FAM180A: variants seen among roughly 807,000 people sequenced by gnomAD.
FAM180A encodes family with sequence similarity 180 member A.
A neutral mutation model predicts 15.3 loss-of-function variants in FAM180A; 14 were observed. The observed-to-expected ratio is 0.92, with a 90% CI of 0.61 to 1.43. FAM180A has a LOEUF of 1.43. Among genes scored for constraint, FAM180A ranks in the 40% most tolerant of loss-of-function variants. The pLI, the probability that FAM180A is intolerant of heterozygous loss-of-function variation, is 0.00. For missense variants in FAM180A, 200 were observed against 220.8 expected, an observed-to-expected ratio of 0.91 and a Z score of 0.60; for synonymous variants, 90 against 96.8, an observed-to-expected ratio of 0.93 and a Z score of 0.41.
chr7:135,740,034 C>T (rs1396613545), intron 1 of FAM180A, among the ~76,000 whole-genome samples: 1 of 152,100 alleles, frequency 6.6e-6, no homozygotes, highest in African/African-American at 2.4e-5. Context: ...GGCAGTATTC[C>T]CTAGCCAGGT....
chr7:135,743,906 C>T (rs7805782), intron 1 of FAM180A, among the ~76,000 whole-genome samples: 9,364 of 152,114 alleles, frequency 0.062, 919 homozygotes, highest in African/African-American at 0.21. Context: ...AAAATCCTTC[C>T]TTTTCTAATA....
Position 135,733,791 on chromosome 7 carries a change from G to T in FAM180A, c.*184C>A. On this transcript the variant is annotated 3_prime_UTR_variant, in exon 3 of 4. Transcript: ENST00000338588. ...TCCAGCCCAGGTCACATGATGGCAT[G>T]AATCAGATGTGTCTTCCAGGAAACT... The T allele has an allele frequency of 2.2e-6, 3 of 1,386,944 alleles. No homozygotes were observed. The highest frequency in any genetic ancestry group is 2.8e-6 in the Non-Finnish European group (3 of 1,075,976). 85.9% of individuals were successfully genotyped at this position (1,386,944 alleles called of 1,614,324 possible).
intron 1 of FAM180A, among the ~76,000 whole-genome samples, chr7:135,737,475 T>A (rs1796888542): frequency 6.6e-6 from 1 of 151,156 alleles, no homozygotes; most frequent in Admixed American, 6.6e-5. Context: ...TAATTGCAGC[T>A]ACATGGAAGG....
intron 1 of FAM180A, among the ~76,000 whole-genome samples, chr7:135,740,000 C>T (rs979046303): frequency 6.6e-6 from 1 of 152,214 alleles, no homozygotes; most frequent in Non-Finnish European, 1.5e-5. Flanking sequence ...AGACCATGCT[C>T]AGGGAAGGAG....
rs1796756907 is a variant in FAM180A at position 135,729,906 on chromosome 7, A to T, written c.*705T>A. 17 of 719,802 alleles carry T rather than the reference A, an allele frequency of 2.4e-5. 1 individual carries two copies. The South Asian group carries it at 1.1e-3, about 45-fold the overall frequency. 44.6% of individuals were successfully genotyped at this position (719,802 alleles called of 1,614,324 possible). A position where few individuals can be genotyped will look rare whatever the true frequency, so the allele number is the denominator to read the frequency against. ...GGGTATAGAACTTCAGAATTACAAG[A>T]TGAGAAAGTTCCGGGGGTCTGTTTC... On this transcript the variant is annotated 3_prime_UTR_variant, in exon 4 of 4. Transcript: ENST00000338588.
At chr7:135,738,122 C>A (rs1329611490) in intron 1 of FAM180A, among the ~76,000 whole-genome samples, 1 of 152,204 alleles carries the variant, frequency 6.6e-6, no homozygotes, top group Non-Finnish European at 1.5e-5. Context: ...ATGCACAAGA[C>A]CCAGGCCCTT....
intron 3 of FAM180A, among the ~76,000 whole-genome samples, chr7:135,731,794 G>C (rs1796786396): frequency 6.6e-6 from 1 of 152,186 alleles, no homozygotes; most frequent in South Asian, 2.1e-4. Context: ...TCTCCAAAAA[G>C]ATCATGCGGC....
intron 1 of FAM180A, among the ~76,000 whole-genome samples, 158 bp from the exon 2 acceptor site, chr7:135,737,357 C>T (rs879711274): frequency 9.2e-5 from 14 of 152,172 alleles, no homozygotes; most frequent in African/African-American, 1.9e-4. Flanking sequence ...GAGGCCGAGG[C>T]GGGCGGATCA....
chr7:135,746,741 A>G (rs772518918), intron 1 of FAM180A, among the ~76,000 whole-genome samples: 4 of 152,206 alleles, frequency 2.6e-5, no homozygotes, highest in African/African-American at 9.7e-5. Flanking sequence ...TGTGCACACA[A>G]TGAAAAGGGA....
intron 1 of FAM180A, among the ~76,000 whole-genome samples, chr7:135,746,018 G>GA (rs139266690): frequency 0.045 from 6,856 of 150,936 alleles, 292 homozygotes; most frequent in African/African-American, 0.11. Flanking sequence ...TGTTAAAAAT[G>GA]AAAAAAAAAT....
At chr7:135,745,928 C>T (rs10268470) in intron 1 of FAM180A, among the ~76,000 whole-genome samples, 6,893 of 151,508 alleles carry the variant, frequency 0.045, 361 homozygotes, top group African/African-American at 0.12. Context: ...GAAAAACTTA[C>T]TCATTTGGGT....
At chr7:135,744,263 A>G (rs1377081101) in intron 1 of FAM180A, among the ~76,000 whole-genome samples, 1 of 152,172 alleles carries the variant, frequency 6.6e-6, no homozygotes, top group Non-Finnish European at 1.5e-5. Flanking sequence ...TATGGTATTC[A>G]GGCTAATCAT....
intron 3 of FAM180A, among the ~76,000 whole-genome samples, chr7:135,730,683 G>A (rs1404366608): frequency 1.3e-5 from 2 of 152,226 alleles, no homozygotes; most frequent in East Asian, 1.9e-4. Context: ...TGACCCCTTC[G>A]TGACTGTAGT....
At chr7:135,738,526 A>G (rs1796903798) in intron 1 of FAM180A, among the ~76,000 whole-genome samples, 1 of 152,148 alleles carries the variant, frequency 6.6e-6, no homozygotes, top group South Asian at 2.1e-4. Context: ...TATTTAGTAT[A>G]AAGTCAGTGA....
intron 1 of FAM180A, among the ~76,000 whole-genome samples, chr7:135,738,682 G>A (rs1796905419): frequency 6.6e-6 from 1 of 152,198 alleles, no homozygotes; most frequent in South Asian, 2.1e-4. Context: ...GTATAGGAAT[G>A]ATCATTATAA....
intron 1 of FAM180A, among the ~76,000 whole-genome samples, chr7:135,743,643 A>G (rs79556640): frequency 0.014 from 2,100 of 152,310 alleles, 47 homozygotes; most frequent in African/African-American, 0.048. Context: ...TTAAAATTAC[A>G]ACCCTCTGGA....
At chr7:135,748,419 T>C in intron 1 of FAM180A, 86 bp downstream of exon 1, 1 of 1,039,532 alleles carries the variant, frequency 9.6e-7, no homozygotes, top group East Asian at 2.4e-5. Flanking sequence ...GTGCGGGGCT[T>C]CTAATGTCCT....
chr7:135,729,919 G>A lies in FAM180A; in HGVS notation c.*692C>T, dbSNP rs905309573. 1.5e-5 allele frequency: 11 copies of A among 741,202 alleles called. No individual in the cohort carries two copies. Among genetic ancestry groups the A allele is most frequent in the African/African-American group, 1.9e-5 (1 of 52,236 alleles). The allele number at this position is 741,202 out of a possible 1,614,324, so 45.9% of individuals were successfully genotyped here. On this transcript the variant is annotated 3_prime_UTR_variant, in exon 4 of 4. Coordinates refer to ENST00000338588, the MANE Select transcript of FAM180A (RefSeq NM_205855.4). ...CAGAATTACAAGATGAGAAAGTTCC[G>A]GGGGTCTGTTTCACAACATGCATGG...
chr7:135,732,815 G>A (rs145381216), intron 3 of FAM180A, among the ~76,000 whole-genome samples: 12 of 152,112 alleles, frequency 7.9e-5, no homozygotes, highest in African/African-American at 2.9e-4. Flanking sequence ...AAAAGATATC[G>A]AGTCAATATC....
Sources: gnomAD v4.1 joint callset for allele counts (sites outside exome capture counted in the v4.1 genomes callset) on GRCh38, gnomAD v4.1.1 for gene constraint, MANE v1.5 for transcripts, NCBI Gene and HGNC (gene_info 2026-07-23, HGNC 2026-07-21) for gene names.